Variants in WDR27 observed in about 807,000 individuals in gnomAD.
The protein encoded by WDR27 is WD repeat-containing protein 27.
WDR27 carries 100 observed loss-of-function variants against 114.4 expected under a neutral mutation model. The observed-to-expected ratio is 0.87, with a 90% CI of 0.74 to 1.03. The LOEUF is 1.03. Among genes scored for constraint, WDR27 ranks in the 50% least tolerant of loss-of-function variants. The probability of loss-of-function intolerance (pLI) is 0.00; values close to 1 mark genes in which losing one functional copy is unlikely to be tolerated. For missense variants in WDR27, 1,129 were observed against 1,092.9 expected, an observed-to-expected ratio of 1.03 and a Z score of -0.47; for synonymous variants, 449 against 423.1, an observed-to-expected ratio of 1.06 and a Z score of -0.75.
At chr6:169,696,098 A>T (rs1435065383) in intron 1 of WDR27, among the ~76,000 whole-genome samples, 1 of 152,228 alleles carries the variant, frequency 6.6e-6, no homozygotes, top group Non-Finnish European at 1.5e-5. Flanking sequence ...AAACCACCAA[A>T]TCTGCATTAG....
chr6:169,546,904 T>C (rs1408460639), intron 25 of WDR27, among the ~76,000 whole-genome samples: 1 of 152,112 alleles, frequency 6.6e-6, no homozygotes, highest in Non-Finnish European at 1.5e-5. Context: ...AATCGAGCTC[T>C]TGACTATGTT....
intron 25 of WDR27, among the ~76,000 whole-genome samples, chr6:169,460,118 A>C (rs1784739846): frequency 6.6e-6 from 1 of 152,226 alleles, no homozygotes; most frequent in South Asian, 2.1e-4. Flanking sequence ...CACATGATTT[A>C]AGAGACTAAA....
chr6:169,673,810 T>G (rs932412806), intron 2 of WDR27, among the ~76,000 whole-genome samples: 1 of 152,154 alleles, frequency 6.6e-6, no homozygotes, highest in African/African-American at 2.4e-5. Context: ...TGTTGATAAC[T>G]CTACAATTTT....
At chr6:169,472,823 G>C (rs1172837027) in intron 25 of WDR27, among the ~76,000 whole-genome samples, 2 of 152,048 alleles carry the variant, frequency 1.3e-5, no homozygotes, top group African/African-American at 4.8e-5. Flanking sequence ...TTATTTAAAA[G>C]TCCCAAAATA....
chr6:169,588,016 C>T (rs1316786725), intron 23 of WDR27, among the ~76,000 whole-genome samples: 2 of 152,186 alleles, frequency 1.3e-5, no homozygotes, highest in African/African-American at 2.4e-5. Flanking sequence ...TGGTGTAATT[C>T]AAGGTTTACA....
At chr6:169,571,217 CAG>C (rs1323285282) in intron 25 of WDR27, among the ~76,000 whole-genome samples, 1 of 151,078 alleles carries the variant, frequency 6.6e-6, no homozygotes, top group Admixed American at 6.6e-5. Context: ...CTAAATAAAA[CAG>C]ATTTAAATTT....
intron 21 of WDR27, among the ~76,000 whole-genome samples, chr6:169,626,159 A>T (rs1385085257): frequency 1.3e-5 from 2 of 152,332 alleles, no homozygotes; most frequent in East Asian, 3.9e-4. Flanking sequence ...GTGGGTGATG[A>T]TAGGCGGAGA....
At chr6:169,436,251 A>T in the WDR27 span, among the ~76,000 whole-genome samples, 1 of 152,212 alleles carries the variant, frequency 6.6e-6, no homozygotes, top group Non-Finnish European at 1.5e-5. Flanking sequence ...TTCATAAAGC[A>T]AAAATAGAGC....
intron 25 of WDR27, among the ~76,000 whole-genome samples, chr6:169,557,226 G>C (rs1212516216): frequency 6.6e-6 from 1 of 152,236 alleles, no homozygotes; most frequent in Non-Finnish European, 1.5e-5. Flanking sequence ...GAAGGAACCA[G>C]AATGCGTGCA....
chr6:169,620,706 A>T (rs1404395299), intron 21 of WDR27, among the ~76,000 whole-genome samples: 1 of 152,204 alleles, frequency 6.6e-6, no homozygotes, highest in Non-Finnish European at 1.5e-5. Flanking sequence ...GGAACTCCTG[A>T]TGCTATGTCA....
intron 25 of WDR27, among the ~76,000 whole-genome samples, chr6:169,469,706 G>A (rs1190870749): frequency 1.3e-5 from 2 of 151,926 alleles, no homozygotes; most frequent in Non-Finnish European, 2.9e-5. Flanking sequence ...GAGCCCTACA[G>A]TTCTGTTTTA....
the WDR27 span, among the ~76,000 whole-genome samples, chr6:169,444,331 T>G: frequency 6.6e-6 from 1 of 152,216 alleles, no homozygotes; most frequent in Non-Finnish European, 1.5e-5. Context: ...AGAATGTGTT[T>G]GGCTCTAGAC....
chr6:169,560,157 G>A (rs1426600490), intron 25 of WDR27, among the ~76,000 whole-genome samples: 1 of 152,032 alleles, frequency 6.6e-6, no homozygotes, highest in African/African-American at 2.4e-5. Flanking sequence ...CTGAATCACG[G>A]GAGCCTGTCT....
At chr6:169,667,078 T>C in intron 6 of WDR27, 58 bp downstream of exon 6, 3 of 1,451,218 alleles carry the variant, frequency 2.1e-6, no homozygotes, top group African/African-American at 1.4e-5. Flanking sequence ...TAATATGCTC[T>C]AGAAAAAGTG....
rs1346303037 is a variant in WDR27, at chr6:169,684,507, C to A, written c.189+4310G>T. On this transcript the variant is annotated intron_variant, in intron 2 of 25. Coordinates refer to ENST00000448612, the MANE Select transcript of WDR27 (RefSeq NM_182552.5). The surrounding 1 kb of genome is among the most constrained non-coding windows in gnomAD (Gnocchi z 4.3). ...ACTCAAGAAAAAGACCCATGGGTTG[C>A]CTTTGGAGGCACATCACCAAGCGGG... Among the ~76,000 whole-genome samples the A allele has an allele frequency of 2.0e-5, 3 of 152,104 alleles. No individual in the cohort carries two copies. The highest frequency in any genetic ancestry group is 7.2e-5 in the African/African-American group (3 of 41,420).
chr6:169,670,534 C>A (rs1383024072), intron 4 of WDR27, 35 bp downstream of exon 4: 1 of 1,613,430 alleles, frequency 6.2e-7, no homozygotes, highest in African/African-American at 1.3e-5. Context: ...ATCAGCTAAA[C>A]CCTTCCGTGA....
downstream of WDR27, among the ~76,000 whole-genome samples, chr6:169,453,219 T>A (rs1784227226): frequency 6.6e-6 from 1 of 152,102 alleles, no homozygotes; most frequent in Non-Finnish European, 1.5e-5. Context: ...TGGACAAAAA[T>A]TTGCTGTAGG....
intron 22 of WDR27, among the ~76,000 whole-genome samples, chr6:169,613,334 G>A (rs1414120107): frequency 1.3e-5 from 2 of 152,176 alleles, no homozygotes; most frequent in African/African-American, 4.8e-5. Flanking sequence ...TGACCCACAG[G>A]AAGGGCCTGG....
rs371933481 is a variant in WDR27, at chr6:169,610,994, T to C, written c.2321+2565A>G. 7.2e-5 allele frequency among the ~76,000 whole-genome samples: 11 copies of C among 152,250 alleles called. No homozygotes were observed. The East Asian group carries it at 1.7e-3, about 24-fold the overall frequency. ...ACTAAAACCTTAGACTTCACTACTA[T>C]ACAATTCATTCATGTAACCAAAAGC... On this transcript the variant is annotated intron_variant, in intron 22 of 25. Transcript: ENST00000448612.
Sources: gnomAD v4.1 joint callset for allele counts (sites outside exome capture counted in the v4.1 genomes callset) on GRCh38, gnomAD v4.1.1 for gene constraint, Gnocchi (gnomAD v3.1) non-coding constraint, MANE v1.5 for transcripts, NCBI Gene and HGNC (gene_info 2026-07-23, HGNC 2026-07-21) for gene names.